Variants in TFEC observed in about 807,000 individuals in gnomAD.
The protein encoded by TFEC is transcription factor EC.
In TFEC, 31 loss-of-function variants were observed where a neutral mutation model predicts 41.6. That is an observed-to-expected ratio of 0.74 (90% CI 0.56 to 1.01). The LOEUF (loss-of-function observed/expected upper bound fraction) is 1.01, where lower values mean the gene tolerates loss of function less well. Ranked by LOEUF, TFEC falls within the 50% of genes least tolerant of loss-of-function variation. The probability of loss-of-function intolerance (pLI) is 0.00; values close to 1 mark genes in which losing one functional copy is unlikely to be tolerated. For missense variants in TFEC, 402 were observed against 404.1 expected, an observed-to-expected ratio of 0.99 and a Z score of 0.04; for synonymous variants, 143 against 140.6, an observed-to-expected ratio of 1.02 and a Z score of -0.12.
intron 1 of TFEC, among the ~76,000 whole-genome samples, chr7:116,118,488 C>T (rs1247875615): frequency 5.3e-5 from 8 of 151,746 alleles, no homozygotes; most frequent in Non-Finnish European, 1.2e-4. Context: ...CAGTTGACTA[C>T]CTGCTGGCAT....
chr7:116,040,502 G>A (rs756072268), intron 3 of TFEC, among the ~76,000 whole-genome samples: 12 of 152,050 alleles, frequency 7.9e-5, no homozygotes, highest in Non-Finnish European at 1.6e-4. Context: ...ACATAAAATA[G>A]AAATTGCAAA....
At chr7:115,961,166 AT>A (rs1372351730) in intron 3 of TFEC, among the ~76,000 whole-genome samples, 17 of 151,720 alleles carry the variant, frequency 1.1e-4, no homozygotes, top group Non-Finnish European at 3.0e-5. Context: ...ATAGACTTGT[AT>A]ATAGTTTCAC....
intron 3 of TFEC, among the ~76,000 whole-genome samples, chr7:116,058,252 A>C (rs1796474403): frequency 6.6e-6 from 1 of 151,848 alleles, no homozygotes; most frequent in Non-Finnish European, 1.5e-5. Context: ...TACCAATTAA[A>C]GTAGATTTCT....
intron 3 of TFEC, among the ~76,000 whole-genome samples, chr7:116,047,178 T>C (rs1477466501): frequency 6.6e-6 from 1 of 151,994 alleles, no homozygotes; most frequent in Non-Finnish European, 1.5e-5. Flanking sequence ...AGACAGTGGG[T>C]GTAGCCCATG....
At chr7:116,067,176 A>G (rs1336146391) in intron 3 of TFEC, among the ~76,000 whole-genome samples, 1 of 152,082 alleles carries the variant, frequency 6.6e-6, no homozygotes, top group Non-Finnish European at 1.5e-5. Flanking sequence ...GGATGAGGCC[A>G]TAGAACATAG....
chr7:115,937,769 A>G lies in TFEC; in HGVS notation c.*2782T>C, dbSNP rs1289257206. On this transcript the variant is annotated 3_prime_UTR_variant, in exon 8 of 8. Coordinates refer to ENST00000265440, the MANE Select transcript of TFEC (RefSeq NM_012252.4). ...TATACATGACATTAACCGCACACCT[A>G]AGAGACCTGATTCAGGAATTTTTCA... is the stretch of plus-strand genomic sequence containing the variant. 2 of 151,738 alleles carry G rather than the reference A, an allele frequency of 1.3e-5. No homozygotes were observed. Among genetic ancestry groups the G allele is most frequent in the Non-Finnish European group, 3.0e-5 (2 of 67,766 alleles). The allele number at this position is 151,738 out of a possible 1,614,324, so 9.4% of individuals were successfully genotyped here. A position where few individuals can be genotyped will look rare whatever the true frequency, so the allele number is the denominator to read the frequency against.
intron 1 of TFEC, among the ~76,000 whole-genome samples, chr7:116,132,786 C>T (rs577855276): frequency 1.4e-4 from 21 of 152,156 alleles, no homozygotes; most frequent in Non-Finnish European, 2.4e-4. Flanking sequence ...TTTAAACAAG[C>T]TATAGAATAT....
At chr7:116,139,887 T>A (rs754208206) in intron 1 of TFEC, among the ~76,000 whole-genome samples, 1 of 152,116 alleles carries the variant, frequency 6.6e-6, no homozygotes, top group Non-Finnish European at 1.5e-5. Context: ...AGCTGAACCT[T>A]GACCAGGCAC....
intron 1 of TFEC, among the ~76,000 whole-genome samples, chr7:116,020,657 G>A (rs933480570): frequency 3.9e-5 from 6 of 152,016 alleles, no homozygotes; most frequent in African/African-American, 7.2e-5. Context: ...AATAGAATAC[G>A]TAAAGTGACT....
chr7:116,042,559 A>G (rs1365555873), intron 3 of TFEC, among the ~76,000 whole-genome samples: 3 of 152,212 alleles, frequency 2.0e-5, no homozygotes, highest in Non-Finnish European at 4.4e-5. Flanking sequence ...CCCTACAGGA[A>G]TATTAAACTT....
rs543639386 is a variant in TFEC at position 116,089,282 on chromosome 7, T to C, written c.198+21426A>G. Among the ~76,000 whole-genome samples, 148 of 152,130 alleles carry C rather than the reference T, an allele frequency of 9.7e-4. 1 individual carries two copies. Among genetic ancestry groups the C allele is most frequent in the African/African-American group, 3.4e-3 (141 of 41,500 alleles). On this transcript the variant is annotated intron_variant, in intron 3 of 8. Coordinates refer to the TFEC transcript ENST00000484212. ...CTTGGAAAAATAGGAAGTGTATAGATTATTTAAGGAACACAAGGATGAATA... is the reference window on the plus strand; with the variant it reads ...CTTGGAAAAATAGGAAGTGTATAGACTATTTAAGGAACACAAGGATGAATA...
chr7:116,119,107 T>G (rs1798054144), intron 1 of TFEC, among the ~76,000 whole-genome samples: 1 of 151,908 alleles, frequency 6.6e-6, no homozygotes, highest in Admixed American at 6.6e-5. Context: ...TACCACACAT[T>G]AAGCACTTTG....
intron 1 of TFEC, among the ~76,000 whole-genome samples, chr7:115,995,010 T>C (rs1188474311): frequency 1.3e-5 from 2 of 152,052 alleles, no homozygotes; most frequent in Non-Finnish European, 2.9e-5. Flanking sequence ...TGGAATATTA[T>C]GCAGCCATAA....
intron 3 of TFEC, among the ~76,000 whole-genome samples, chr7:115,973,516 C>T (rs571847254): frequency 6.6e-6 from 1 of 151,990 alleles, no homozygotes; most frequent in South Asian, 2.1e-4. Flanking sequence ...AAAGAGCTTA[C>T]ACACCCTTTA....
At chr7:116,011,626 G>A (rs1222204844) in intron 1 of TFEC, among the ~76,000 whole-genome samples, 2 of 152,018 alleles carry the variant, frequency 1.3e-5, no homozygotes. Context: ...ATATTACTAA[G>A]CATATTTATA....
chr7:116,029,723 TATAA>T (rs1795722862), intron 1 of TFEC, among the ~76,000 whole-genome samples: 1 of 152,024 alleles, frequency 6.6e-6, no homozygotes, highest in Non-Finnish European at 1.5e-5. Flanking sequence ...TGTACATGTG[TATAA>T]ATATCTTCAT....
chr7:115,967,094 A>G (rs1792890740), intron 3 of TFEC, among the ~76,000 whole-genome samples: 1 of 151,720 alleles, frequency 6.6e-6, no homozygotes, highest in Non-Finnish European at 1.5e-5. Context: ...ATATACATAT[A>G]CATATATATA....
At chr7:115,970,705 G>T (rs1353101817) in intron 3 of TFEC, among the ~76,000 whole-genome samples, 3 of 151,906 alleles carry the variant, frequency 2.0e-5, no homozygotes, top group African/African-American at 7.2e-5. Context: ...TAATGAACTA[G>T]GACAATTATT....
chr7:115,950,968 T>G lies in TFEC; in HGVS notation c.440-19A>C. 1 of 1,478,702 alleles carries G rather than the reference T, an allele frequency of 6.8e-7. No homozygotes were observed. Among genetic ancestry groups the G allele is most frequent in the Non-Finnish European group, 9.4e-7 (1 of 1,068,920 alleles). 91.6% of individuals were successfully genotyped at this position (1,478,702 alleles called of 1,614,324 possible). ...CTTTCAACTATTAAAGAAGAAATAT[T>G]ATTGATTATTCTCATTAATGCACAG... On this transcript the variant is annotated intron_variant, in intron 5 of 7. Coordinates refer to ENST00000265440, the MANE Select transcript of TFEC (RefSeq NM_012252.4).
Sources: gnomAD v4.1 joint callset for allele counts (sites outside exome capture counted in the v4.1 genomes callset) on GRCh38, gnomAD v4.1.1 for gene constraint, MANE v1.5 for transcripts, NCBI Gene and HGNC (gene_info 2026-07-23, HGNC 2026-07-21) for gene names.